The following CADM1 variants were observed in gnomAD, a reference collection of about 807,000 sequenced individuals.
CADM1 encodes the protein TSLC-1.
A neutral mutation model predicts 53.1 loss-of-function variants in CADM1; 15 were observed. That is an observed-to-expected ratio of 0.28 (90% CI 0.19 to 0.44). The LOEUF (loss-of-function observed/expected upper bound fraction) is 0.44. Ranked by LOEUF, CADM1 falls within the 20% of genes least tolerant of loss-of-function variation. The probability of loss-of-function intolerance (pLI) is 1.00; values close to 1 mark genes in which losing one functional copy is unlikely to be tolerated. For missense variants in CADM1, 434 were observed against 611.3 expected, an observed-to-expected ratio of 0.71 and a Z score of 3.06; for synonymous variants, 281 against 243.0, an observed-to-expected ratio of 1.16 and a Z score of -1.45.
chr11:115,260,759 G>A (rs1483178436), intron 1 of CADM1, among the ~76,000 whole-genome samples: 2 of 151,856 alleles, frequency 1.3e-5, no homozygotes, highest in Admixed American at 6.6e-5. Context: ...TGCAAGCTCC[G>A]CCTCCCAGGT....
intron 1 of CADM1, among the ~76,000 whole-genome samples, chr11:115,307,382 C>G (rs1431060059): frequency 6.6e-6 from 1 of 151,818 alleles, no homozygotes; most frequent in Non-Finnish European, 1.5e-5. Flanking sequence ...GACCTATCCT[C>G]TCTCAGCAAG....
intron 1 of CADM1, among the ~76,000 whole-genome samples, chr11:115,373,917 G>A (rs574312963): frequency 9.2e-5 from 14 of 152,270 alleles, no homozygotes; most frequent in Admixed American, 3.3e-4. Flanking sequence ...TGAAAGCTAC[G>A]TAGTCTTGAA....
chr11:115,176,737 G>C, intron 11 of CADM1, 145 bp from the exon 12 acceptor site: 1 of 756,048 alleles, frequency 1.3e-6, no homozygotes, highest in Non-Finnish European at 2.4e-6. Flanking sequence ...AGAAGAGAGC[G>C]GGGTGGGTGA....
intron 10 of CADM1, among the ~76,000 whole-genome samples, chr11:115,179,773 G>T (rs1939223778): frequency 6.6e-6 from 1 of 151,832 alleles, no homozygotes; most frequent in African/African-American, 2.4e-5. Flanking sequence ...TGATTTACTA[G>T]CTGTACCTTA....
At chr11:115,214,414 T>C in intron 7 of CADM1, 194 bp downstream of exon 7, 2 of 607,298 alleles carry the variant, frequency 3.3e-6, no homozygotes, top group Admixed American at 2.6e-5. Context: ...ACACCCACCA[T>C]TAGAGGGAGA....
At chr11:115,370,535 A>G (rs1241142262) in intron 1 of CADM1, among the ~76,000 whole-genome samples, 1 of 152,174 alleles carries the variant, frequency 6.6e-6, no homozygotes, top group East Asian at 1.9e-4. Context: ...TTCATGTCCA[A>G]AGAAGAGGTC....
At chr11:115,504,157 T>G (rs935505388) in intron 1 of CADM1, 114 bp downstream of exon 1, 66 of 1,453,600 alleles carry the variant, frequency 4.5e-5, no homozygotes, top group Non-Finnish European at 6.0e-5. Flanking sequence ...TCCCTCCGCT[T>G]CGGATGTAGG....
intron 1 of CADM1, among the ~76,000 whole-genome samples, chr11:115,274,900 C>T (rs766588839): frequency 1.3e-5 from 2 of 152,116 alleles, no homozygotes; most frequent in Non-Finnish European, 2.9e-5. Flanking sequence ...TGACTCCTGC[C>T]CTGGGTCCTC....
intron 1 of CADM1, among the ~76,000 whole-genome samples, chr11:115,445,226 A>C (rs1272305787): frequency 6.6e-6 from 1 of 152,076 alleles, no homozygotes; most frequent in African/African-American, 2.4e-5. Context: ...TCTGTCTAGT[A>C]AAGTGTCTCA....
chr11:115,418,845 T>A (rs1225670355), intron 1 of CADM1, among the ~76,000 whole-genome samples: 1 of 152,262 alleles, frequency 6.6e-6, no homozygotes, highest in East Asian at 1.9e-4. Flanking sequence ...CAAGAGCAAG[T>A]ACTTAAAGCA....
intron 1 of CADM1, among the ~76,000 whole-genome samples, chr11:115,410,527 A>T (rs1947434299): frequency 6.6e-6 from 1 of 152,204 alleles, no homozygotes; most frequent in Non-Finnish European, 1.5e-5. Context: ...AAATGCTGAA[A>T]AGGAAGCAGA....
chr11:115,204,574 A>AC (rs1432746840), intron 8 of CADM1, among the ~76,000 whole-genome samples: 3 of 147,430 alleles, frequency 2.0e-5, no homozygotes, highest in African/African-American at 7.4e-5. Context: ...TTAGGCTAAG[A>AC]CCCTGGGGAA....
intron 1 of CADM1, among the ~76,000 whole-genome samples, chr11:115,272,850 G>A (rs2135052780): frequency 6.6e-6 from 1 of 151,796 alleles, no homozygotes; most frequent in South Asian, 2.1e-4. Flanking sequence ...GTATACGTAT[G>A]TAACTAACCT....
In CADM1 at chr11:115,176,238, GAAGA is replaced by G. The variant is rs1939021188; in HGVS notation, c.*232_*235del. 2 of 1,273,518 alleles carry G rather than the reference GAAGA, an allele frequency of 1.6e-6. No individual in the cohort carries two copies. Among genetic ancestry groups the G allele is most frequent in the Non-Finnish European group, 2.0e-6 (2 of 998,040 alleles). The allele number at this position is 1,273,518 out of a possible 1,614,324, so 78.9% of individuals were successfully genotyped here. A position where few individuals can be genotyped will look rare whatever the true frequency, so the allele number is the denominator to read the frequency against. ...CAAGTATCCAAGTTTGACTTGGTAG[GAAGA>G]AATAAAAATTAAACAAACAAACAAA... is the stretch of plus-strand genomic sequence containing the variant. On this transcript the variant is annotated 3_prime_UTR_variant, in exon 12 of 12. Coordinates refer to ENST00000331581, the MANE Select transcript of CADM1 (RefSeq NM_001301043.2).
chr11:115,292,772 G>C (rs777880662), intron 1 of CADM1, among the ~76,000 whole-genome samples: 6 of 152,192 alleles, frequency 3.9e-5, no homozygotes, highest in Non-Finnish European at 7.3e-5. Context: ...GGGGGACCCA[G>C]AACTCAAATC....
intron 11 of CADM1, among the ~76,000 whole-genome samples, chr11:115,178,090 C>T (rs982358192): frequency 2.0e-5 from 3 of 152,178 alleles, no homozygotes; most frequent in Non-Finnish European, 4.4e-5. Context: ...TGATTAATGG[C>T]AATTTAAATC....
At chr11:115,475,353 G>T (rs1465036917) in intron 1 of CADM1, among the ~76,000 whole-genome samples, 1 of 151,912 alleles carries the variant, frequency 6.6e-6, no homozygotes, top group Admixed American at 6.6e-5. Flanking sequence ...TGAATACACA[G>T]ATGCAGAACC....
chr11:115,209,430 A>G (rs749858409), intron 8 of CADM1, 144 bp downstream of exon 8: 173 of 1,203,280 alleles, frequency 1.4e-4, no homozygotes, highest in South Asian at 6.6e-4. Flanking sequence ...ACTTAAGAAC[A>G]TAGTATCTAA....
chr11:115,181,304 G>A (rs1939302397), intron 10 of CADM1, among the ~76,000 whole-genome samples: 2 of 152,084 alleles, frequency 1.3e-5, no homozygotes, highest in African/African-American at 4.8e-5. Context: ...CTTGACCTTT[G>A]CCCTCCATGA....
Sources: allele counts gnomAD v4.1 joint callset (sites outside exome capture counted in the v4.1 genomes callset), GRCh38; gene constraint gnomAD v4.1.1; transcripts MANE v1.5; gene names NCBI Gene and HGNC (gene_info 2026-07-23, HGNC 2026-07-21).